Variants in CLEC4A observed in about 807,000 individuals in gnomAD.
CLEC4A encodes the protein C-type (calcium dependent, carbohydrate-recognition domain) lectin, superfamily member 6.
A neutral mutation model predicts 32.7 loss-of-function variants in CLEC4A; 27 were observed. The ratio of observed to expected loss-of-function variants is 0.83; its 90% confidence interval spans 0.61 to 1.14. The LOEUF is 1.14. Ranked by LOEUF, CLEC4A falls within the 50% of genes most tolerant of loss-of-function variation. The pLI, the probability that CLEC4A is intolerant of heterozygous loss-of-function variation, is 0.00. For synonymous variants in CLEC4A, 89 were observed against 93.7 expected (o/e 0.95, Z 0.29); for missense variants, 253 against 274.6 (o/e 0.92, Z 0.55).
At chr12:8,105,347 TTTTC>T in the CLEC4A span, among the ~76,000 whole-genome samples, 1 of 151,322 alleles carries the variant, frequency 6.6e-6, no homozygotes, top group Non-Finnish European at 1.5e-5. Context: ...GCAATTTTTC[TTTTC>T]TTTTTTTTTT....
rs1947889699 is a variant in CLEC4A, at chr12:8,125,684, A to C, written c.199+7A>C. 6.6e-7 allele frequency: 1 copy of C among 1,511,984 alleles called. No individual in the cohort carries two copies. The highest frequency in any genetic ancestry group is 9.2e-7 in the Non-Finnish European group (1 of 1,087,294). 93.7% of individuals were successfully genotyped at this position (1,511,984 alleles called of 1,614,324 possible). ...TTCTTTATTGCTTTTGTCAGTAAGTATGCCAACTGAACCAATAAGCAATAT... is the reference window on the plus strand; with the variant it reads ...TTCTTTATTGCTTTTGTCAGTAAGTCTGCCAACTGAACCAATAAGCAATAT... On this transcript the variant is annotated splice_region_variant and intron_variant, in intron 2 of 5. Coordinates refer to ENST00000229332, the MANE Select transcript of CLEC4A (RefSeq NM_016184.4).
At chr12:8,128,667 G>A (rs749378208) in intron 2 of CLEC4A, among the ~76,000 whole-genome samples, 1 of 152,308 alleles carries the variant, frequency 6.6e-6, no homozygotes, top group African/African-American at 2.4e-5. Context: ...AAAGTGCTGG[G>A]ATTACAGGCG....
chr12:8,118,706 C>G (rs974549348), upstream of CLEC4A, among the ~76,000 whole-genome samples: 1 of 152,184 alleles, frequency 6.6e-6, no homozygotes, highest in Admixed American at 6.5e-5. Flanking sequence ...AGGCCCACCT[C>G]CAACACTGAG....
At chr12:8,112,746 A>ACC in the CLEC4A span, among the ~76,000 whole-genome samples, 1 of 152,030 alleles carries the variant, frequency 6.6e-6, no homozygotes, top group African/African-American at 2.4e-5. Context: ...TCAGATTGAG[A>ACC]CCTAATTTTA....
the CLEC4A span, among the ~76,000 whole-genome samples, chr12:8,116,601 C>T: frequency 6.6e-6 from 1 of 152,118 alleles, no homozygotes; most frequent in Admixed American, 6.6e-5. Context: ...AGTTTTGAAT[C>T]CTTTGCTAGT....
chr12:8,134,556 G>A (rs1344502563), intron 3 of CLEC4A: 5 of 1,613,522 alleles, frequency 3.1e-6, no homozygotes, highest in Non-Finnish European at 3.4e-6. Context: ...CCCGACTCCT[G>A]CTTCGCCCTC....
At chr12:8,104,307 A>G in the CLEC4A span, among the ~76,000 whole-genome samples, 1 of 151,996 alleles carries the variant, frequency 6.6e-6, no homozygotes, top group Non-Finnish European at 1.5e-5. Flanking sequence ...ATTAAATTCC[A>G]TTTTCCTTTT....
intron 3 of CLEC4A, among the ~76,000 whole-genome samples, chr12:8,129,651 C>T (rs1275856431): frequency 1.3e-5 from 2 of 152,134 alleles, no homozygotes; most frequent in Non-Finnish European, 2.9e-5. Context: ...ATTAGCTAGG[C>T]ATGGTGGTAC....
chr12:8,103,376 G>GTTTTT, the CLEC4A span, among the ~76,000 whole-genome samples: 3 of 56,512 alleles, frequency 5.3e-5, no homozygotes, highest in African/African-American at 8.3e-5. Flanking sequence ...TCTTTCTGTT[G>GTTTTT]TTTTTTTTTT....
rs1442705314 is a variant in CLEC4A, at chr12:8,134,982, T to TG, written c.299-603_299-602insG. On this transcript the variant is annotated intron_variant, in intron 3 of 5. Coordinates refer to ENST00000229332, the MANE Select transcript of CLEC4A (RefSeq NM_016184.4). ...ATCTTCTTGTTGAAGCGTTTTTGTT[T>TG]TTTGTTTTTTTTTAATCATGGCTGC... is the stretch of plus-strand genomic sequence containing the variant. 3.1e-4 allele frequency: 90 copies of TG among 292,278 alleles called. 4 individuals are homozygous for TG. The highest frequency in any genetic ancestry group is 1.1e-3 in the Middle Eastern group (1 of 876). The allele number at this position is 292,278 out of a possible 1,614,324, so 18.1% of individuals were successfully genotyped here.
upstream of CLEC4A, among the ~76,000 whole-genome samples, chr12:8,120,225 TC>T (rs763636033): frequency 5.7e-4 from 87 of 152,276 alleles, no homozygotes; most frequent in East Asian, 0.016. Flanking sequence ...TAGCTTCCCT[TC>T]CCCACCTGGG....
intron 3 of CLEC4A, among the ~76,000 whole-genome samples, chr12:8,131,826 A>C (rs1565404925): frequency 2.7e-5 from 4 of 150,452 alleles, no homozygotes; most frequent in African/African-American, 7.3e-5. Context: ...ATATATATCT[A>C]TATATATATA....
intron 3 of CLEC4A, among the ~76,000 whole-genome samples, chr12:8,135,158 T>G (rs1948091408): frequency 7.1e-6 from 1 of 140,228 alleles, no homozygotes; most frequent in Non-Finnish European, 1.5e-5. Flanking sequence ...AGTGCTGGGA[T>G]TACAGATGTG....
the CLEC4A span, among the ~76,000 whole-genome samples, chr12:8,112,541 C>G: frequency 7.9e-5 from 12 of 151,946 alleles, no homozygotes; most frequent in African/African-American, 2.7e-4. Flanking sequence ...ATTTCTCTTA[C>G]TACAGTGAGA....
rs374561542 is a variant in CLEC4A, at chr12:8,138,111, A to C, written c.567-29A>C. The C allele has an allele frequency of 3.7e-5, 59 of 1,607,574 alleles. 1 individual carries two copies. The Middle Eastern group carries it at 6.6e-4, about 18-fold the overall frequency. Reference sequence around the variant, plus strand: ...CCCTTTTCAAAGCTCTGTTTGAAGAAATGCCCTCATCCTTTTTGTCGCTTT... The same window carrying C: ...CCCTTTTCAAAGCTCTGTTTGAAGACATGCCCTCATCCTTTTTGTCGCTTT... On this transcript the variant is annotated intron_variant, in intron 5 of 5. Coordinates refer to ENST00000229332, the MANE Select transcript of CLEC4A (RefSeq NM_016184.4).
At chr12:8,114,510 C>T in the CLEC4A span, among the ~76,000 whole-genome samples, 4 of 152,192 alleles carry the variant, frequency 2.6e-5, no homozygotes, top group Admixed American at 1.3e-4. Flanking sequence ...TCCCAAAGTG[C>T]TGGGATTACA....
At chr12:8,133,833 C>A in intron 3 of CLEC4A, 1 of 1,585,816 alleles carries the variant, frequency 6.3e-7, no homozygotes, top group East Asian at 2.3e-5. Flanking sequence ...GCTTCCCCCT[C>A]AGGGAAAGGG....
chr12:8,117,121 A>G, the CLEC4A span, among the ~76,000 whole-genome samples: 1 of 152,200 alleles, frequency 6.6e-6, no homozygotes, highest in Admixed American at 6.5e-5. Flanking sequence ...TCAAGAATTT[A>G]GGATATATTG....
the CLEC4A span, among the ~76,000 whole-genome samples, chr12:8,114,817 A>G: frequency 1.3e-5 from 2 of 151,766 alleles, no homozygotes; most frequent in South Asian, 2.1e-4. Context: ...ATGATTTTCT[A>G]CTCCAGTTAG....
Sources: gnomAD v4.1 joint callset for allele counts (sites outside exome capture counted in the v4.1 genomes callset) on GRCh38, gnomAD v4.1.1 for gene constraint, MANE v1.5 for transcripts, NCBI Gene and HGNC (gene_info 2026-07-23, HGNC 2026-07-21) for gene names.